SYT1: variants seen among roughly 807,000 people sequenced by gnomAD.
SYT1 encodes synaptotagmin 1, also known as synaptotagmin-1.
SYT1 carries 8 observed loss-of-function variants against 44.8 expected under a neutral mutation model. The observed-to-expected ratio is 0.18, with a 90% CI of 0.10 to 0.32. The LOEUF (loss-of-function observed/expected upper bound fraction) is 0.32. Among genes scored for constraint, SYT1 ranks in the 10% least tolerant of loss-of-function variants. SYT1 has a pLI of 1.00. For synonymous variants in SYT1, 154 were observed against 188.8 expected (o/e 0.82, Z 1.51); for missense variants, 286 against 509.3 (o/e 0.56, Z 4.22).
chr12:78,871,073 A>G (rs1251384476), intron 1 of SYT1, among the ~76,000 whole-genome samples: 1 of 152,056 alleles, frequency 6.6e-6, no homozygotes, highest in Non-Finnish European at 1.5e-5. Context: ...TTTTTAACTT[A>G]ACACCTGAGA....
At chr12:79,040,181 C>A (rs1009703720) in intron 2 of SYT1, among the ~76,000 whole-genome samples, 5 of 151,764 alleles carry the variant, frequency 3.3e-5, no homozygotes, top group African/African-American at 7.3e-5. Flanking sequence ...AGTTCCAGAT[C>A]CCTGAGGAAT....
chr12:79,109,888 C>G lies in SYT1; in HGVS notation c.-18+62526C>G, dbSNP rs117656927. Among the ~76,000 whole-genome samples, 669 of 152,216 alleles carry G rather than the reference C, an allele frequency of 4.4e-3. 10 individuals are homozygous for G. The East Asian group carries it at 0.064, about 14-fold the overall frequency. ...TTCCTGTGTAAGACTTTAGGTGCAGCAAATCATCATGCATCTACAGCAAGT... is the reference window on the plus strand; with the variant it reads ...TTCCTGTGTAAGACTTTAGGTGCAGGAAATCATCATGCATCTACAGCAAGT... On this transcript the variant is annotated intron_variant, in intron 3 of 10. Transcript: ENST00000261205.
At chr12:78,904,449 A>G (rs777468641) in intron 1 of SYT1, among the ~76,000 whole-genome samples, 1 of 152,184 alleles carries the variant, frequency 6.6e-6, no homozygotes, top group African/African-American at 2.4e-5. Context: ...TTTGGAGAAC[A>G]TGGATGTATA....
At chr12:79,159,251 G>C (rs1870797065) in intron 3 of SYT1, among the ~76,000 whole-genome samples, 1 of 152,130 alleles carries the variant, frequency 6.6e-6, no homozygotes. Context: ...AAATTAGGTA[G>C]GTTTAGAGAT....
chr12:79,405,745 G>A (rs756928676), intron 9 of SYT1, among the ~76,000 whole-genome samples: 1 of 152,144 alleles, frequency 6.6e-6, no homozygotes, highest in Non-Finnish European at 1.5e-5. Context: ...ACTCTATGAT[G>A]CCATCAGGGA....
At chr12:79,422,009 T>C (rs1479500091) in intron 9 of SYT1, among the ~76,000 whole-genome samples, 1 of 152,144 alleles carries the variant, frequency 6.6e-6, no homozygotes, top group Non-Finnish European at 1.5e-5. Context: ...TGAACTCCAA[T>C]CTGTCACCTT....
At chr12:79,326,243 A>T (rs1281967650) in intron 8 of SYT1, among the ~76,000 whole-genome samples, 1 of 152,230 alleles carries the variant, frequency 6.6e-6, no homozygotes, top group Non-Finnish European at 1.5e-5. Flanking sequence ...TCACTCAGAG[A>T]GGCCTGTGAC....
At chr12:79,103,399 A>G (rs533149099) in intron 3 of SYT1, among the ~76,000 whole-genome samples, 1 of 152,204 alleles carries the variant, frequency 6.6e-6, no homozygotes, top group Admixed American at 6.5e-5. Context: ...GCAAAGTCCT[A>G]AAAGATATTT....
intron 8 of SYT1, among the ~76,000 whole-genome samples, chr12:79,304,229 T>TTGAA (rs1880285084): frequency 6.6e-6 from 1 of 152,200 alleles, no homozygotes. Flanking sequence ...AAAACTATTT[T>TTGAA]TGAATGAATG....
At chr12:78,950,583 GAA>G (rs1163379373) in intron 1 of SYT1, among the ~76,000 whole-genome samples, 1 of 152,108 alleles carries the variant, frequency 6.6e-6, no homozygotes, top group Non-Finnish European at 1.5e-5. Flanking sequence ...CAAAGAAGTT[GAA>G]AAGTTTGTTG....
chr12:79,223,173 G>C (rs921651454), intron 4 of SYT1, among the ~76,000 whole-genome samples: 5 of 152,076 alleles, frequency 3.3e-5, no homozygotes, highest in Admixed American at 1.3e-4. Context: ...GATTCTTCTT[G>C]ATCTTTATGA....
chr12:79,206,862 G>C (rs1024101811), intron 3 of SYT1, among the ~76,000 whole-genome samples: 1 of 152,198 alleles, frequency 6.6e-6, no homozygotes, highest in Non-Finnish European at 1.5e-5. Flanking sequence ...AACTCAGATC[G>C]AGGTGAAAAC....
chr12:79,051,994 T>A (rs931035979), intron 3 of SYT1, among the ~76,000 whole-genome samples: 3 of 152,120 alleles, frequency 2.0e-5, no homozygotes, highest in African/African-American at 7.2e-5. Flanking sequence ...TGGCTTAGGA[T>A]TGACTTGGCA....
At chr12:78,961,473 G>A (rs988455374) in intron 1 of SYT1, among the ~76,000 whole-genome samples, 1 of 151,908 alleles carries the variant, frequency 6.6e-6, no homozygotes, top group Non-Finnish European at 1.5e-5. Context: ...CTGTGACCAC[G>A]TTCCTATTGA....
Position 79,450,145 on chromosome 12 carries a change from T to G in SYT1, c.*1021T>G, listed in dbSNP as rs2136214463. The G allele has an allele frequency of 6.5e-6, 1 of 152,682 alleles. No individual in the cohort carries two copies. The highest frequency in any genetic ancestry group is 2.4e-5 in the African/African-American group (1 of 41,552). 9.5% of individuals were successfully genotyped at this position (152,682 alleles called of 1,614,324 possible). On this transcript the variant is annotated 3_prime_UTR_variant, in exon 11 of 11. Transcript: ENST00000261205. ...TCCAAAAGGTTTGCACATTAGAGTT[T>G]GTAACAAAATATTTTATTATATAAA... is the stretch of plus-strand genomic sequence containing the variant.
chr12:79,069,725 T>C (rs182965748), intron 3 of SYT1, among the ~76,000 whole-genome samples: 32 of 152,250 alleles, frequency 2.1e-4, no homozygotes, highest in African/African-American at 7.5e-4. Flanking sequence ...AGTCAGATGT[T>C]AAAATCCCTT....
chr12:79,005,059 T>G (rs1293525936), intron 2 of SYT1, among the ~76,000 whole-genome samples: 2 of 151,982 alleles, frequency 1.3e-5, no homozygotes, highest in Admixed American at 6.6e-5. Context: ...GTGGGCACAG[T>G]AAAACTTTCC....
At chr12:79,165,806 G>A (rs1416254161) in intron 3 of SYT1, among the ~76,000 whole-genome samples, 2 of 151,932 alleles carry the variant, frequency 1.3e-5, no homozygotes, top group Non-Finnish European at 2.9e-5. Context: ...TGTTTATAAA[G>A]ATACATATTA....
At chr12:79,040,567 G>T (rs1233769987) in intron 2 of SYT1, among the ~76,000 whole-genome samples, 1 of 151,962 alleles carries the variant, frequency 6.6e-6, no homozygotes, top group African/African-American at 2.4e-5. Flanking sequence ...CTCCCATTTT[G>T]TAGGTTGCCT....
Sources: allele counts gnomAD v4.1 joint callset (sites outside exome capture counted in the v4.1 genomes callset), GRCh38; gene constraint gnomAD v4.1.1; transcripts MANE v1.5; gene names NCBI Gene and HGNC (gene_info 2026-07-23, HGNC 2026-07-21).